ACO2: variants seen among roughly 807,000 people sequenced by gnomAD.
The protein encoded by ACO2 is aconitate hydratase, mitochondrial.
In ACO2, 31 loss-of-function variants were observed where a neutral mutation model predicts 84.5. That is an observed-to-expected ratio of 0.37 (90% CI 0.28 to 0.50). The LOEUF is 0.50. ACO2 is among the 20% of genes least tolerant of loss of function. The pLI is 0.97. For missense variants in ACO2, 685 were observed against 1,029.3 expected, an observed-to-expected ratio of 0.67 and a Z score of 4.58; for synonymous variants, 414 against 412.7, an observed-to-expected ratio of 1.00 and a Z score of -0.04.
In ACO2 at chr22:41,523,811, G is replaced by GA; in HGVS notation, c.1371-18dup. The GA allele has an allele frequency of 6.2e-7, 1 of 1,603,944 alleles. No individual in the cohort carries two copies. Among genetic ancestry groups the GA allele is most frequent in the Non-Finnish European group, 8.5e-7 (1 of 1,172,754 alleles). On this transcript the variant is annotated intron_variant, in intron 11 of 17. Transcript: ENST00000216254. ...GACAAGGCCAGATATCCCTAACCCT[G>GA]ATCCCTCTGACCTGGCAGGAAGGAC...
chr22:41,514,419 A>G (rs1176562012), intron 4 of ACO2, among the ~76,000 whole-genome samples: 1 of 152,216 alleles, frequency 6.6e-6, no homozygotes, highest in Non-Finnish European at 1.5e-5. Context: ...TGAACCAATG[A>G]TGTGAGCACG....
chr22:41,472,995 A>G (rs1357527590), intron 1 of ACO2, among the ~76,000 whole-genome samples: 1 of 152,254 alleles, frequency 6.6e-6, no homozygotes, highest in Non-Finnish European at 1.5e-5. Context: ...ACTCTGTGCC[A>G]TGTTAAAATA....
Position 41,523,814 on chromosome 22 carries a change from C to T in ACO2, c.1371-16C>T, listed in dbSNP as rs781530892. On this transcript the variant is annotated splice_polypyrimidine_tract_variant and intron_variant, in intron 11 of 17. Coordinates refer to ENST00000216254, the MANE Select transcript of ACO2 (RefSeq NM_001098.3). ...AAGGCCAGATATCCCTAACCCTGAT[C>T]CCTCTGACCTGGCAGGAAGGACATC... 3 of 1,605,174 alleles carry T rather than the reference C, an allele frequency of 1.9e-6. No homozygotes were observed. Among genetic ancestry groups the T allele is most frequent in the Admixed American group, 3.3e-5 (2 of 60,018 alleles).
intron 1 of ACO2, among the ~76,000 whole-genome samples, chr22:41,499,032 G>A (rs181415846): frequency 1.1e-3 from 166 of 151,644 alleles, no homozygotes; most frequent in African/African-American, 3.9e-3. Context: ...AGGAGGCGGC[G>A]GTATCAGTGA....
chr22:41,476,472 C>T (rs1040123032), intron 1 of ACO2, among the ~76,000 whole-genome samples: 13 of 150,238 alleles, frequency 8.7e-5, no homozygotes, highest in Admixed American at 7.3e-4. Flanking sequence ...TTTTGGGAGG[C>T]CAAGGCAGGC....
chr22:41,505,751 G>T, intron 2 of ACO2, among the ~76,000 whole-genome samples: 1 of 152,120 alleles, frequency 6.6e-6, no homozygotes, highest in South Asian at 2.1e-4. Context: ...AAGCCAATCA[G>T]TAGTGGCAAA....
chr22:41,492,621 A>G (rs1368964402), intron 1 of ACO2, among the ~76,000 whole-genome samples: 2 of 152,180 alleles, frequency 1.3e-5, no homozygotes, highest in Admixed American at 6.6e-5. Context: ...TAAAAATACA[A>G]AATTAGCTGG....
intron 4 of ACO2, among the ~76,000 whole-genome samples, chr22:41,513,212 C>G (rs963792708): frequency 2.0e-5 from 3 of 152,214 alleles, no homozygotes; most frequent in African/African-American, 7.2e-5. Context: ...GCAGGTGTCT[C>G]CCTTTCTACC....
chr22:41,526,638 G>A (rs1194274975), intron 15 of ACO2, 185 bp downstream of exon 15: 6 of 580,610 alleles, frequency 1.0e-5, no homozygotes, highest in Non-Finnish European at 1.7e-5. Context: ...TGAGGCCCAG[G>A]TCCGGTGGTA....
chr22:41,481,291 C>G (rs181556655), intron 1 of ACO2, among the ~76,000 whole-genome samples: 2 of 152,164 alleles, frequency 1.3e-5, no homozygotes, highest in Non-Finnish European at 2.9e-5. Flanking sequence ...TCCATGATGG[C>G]ACTCTGACAA....
chr22:41,514,584 G>A (rs1229572288), intron 4 of ACO2, among the ~76,000 whole-genome samples: 1 of 152,208 alleles, frequency 6.6e-6, no homozygotes. Flanking sequence ...GCAGCTTCAG[G>A]GGGCCAGTGC....
chr22:41,500,085 T>A (rs976385662), intron 2 of ACO2, among the ~76,000 whole-genome samples: 2 of 152,092 alleles, frequency 1.3e-5, no homozygotes, highest in African/African-American at 4.8e-5. Context: ...AGCCTCTAGA[T>A]GTGAACCACA....
chr22:41,475,169 CTTTTTTT>C lies in ACO2; in HGVS notation c.36+6002_36+6008del, dbSNP rs1161178390. Among the ~76,000 whole-genome samples, 615 of 120,234 alleles carry C rather than the reference CTTTTTTT, an allele frequency of 5.1e-3. 1 individual carries two copies. The highest frequency in any genetic ancestry group is 0.014 in the Middle Eastern group (3 of 220). 78.9% of individuals were successfully genotyped at this position (120,234 alleles called of 152,430 possible). ...ATAAAAAAAAAAAAATTGTTTTTTCCTTTTTTTTTTTTTTTTTTTTTGAGATAGGGCC... is the reference window on the plus strand; with the variant it reads ...ATAAAAAAAAAAAAATTGTTTTTTCCTTTTTTTTTTTTTTGAGATAGGGCC... On this transcript the variant is annotated intron_variant, in intron 1 of 17. Transcript: ENST00000216254.
At chr22:41,469,221 G>A in intron 1 of ACO2, 39 bp downstream of exon 1, 1 of 1,599,592 alleles carries the variant, frequency 6.3e-7, no homozygotes, top group Non-Finnish European at 8.5e-7. Flanking sequence ...ACGGGGGCGG[G>A]GTGCCTCCTA....
At chr22:41,489,804 C>T (rs990674743) in intron 1 of ACO2, among the ~76,000 whole-genome samples, 1 of 151,712 alleles carries the variant, frequency 6.6e-6, no homozygotes, top group African/African-American at 2.4e-5. Flanking sequence ...TGTAAAGGTA[C>T]ATTTTTTTTT....
chr22:41,491,305 G>A (rs2066270033), intron 1 of ACO2, among the ~76,000 whole-genome samples: 1 of 152,166 alleles, frequency 6.6e-6, no homozygotes, highest in South Asian at 2.1e-4. Flanking sequence ...CCACTGCCAG[G>A]GGCCCATGAG....
At chr22:41,480,360 T>A (rs2038072375) in intron 1 of ACO2, among the ~76,000 whole-genome samples, 1 of 152,148 alleles carries the variant, frequency 6.6e-6, no homozygotes, top group Non-Finnish European at 1.5e-5. Context: ...TTGGCTAGGT[T>A]GGGTGAGTGT....
At chr22:41,471,552 G>A (rs1042040709) in intron 1 of ACO2, among the ~76,000 whole-genome samples, 9 of 152,126 alleles carry the variant, frequency 5.9e-5, no homozygotes, top group Admixed American at 4.6e-4. Flanking sequence ...TCTGGATACC[G>A]TGGTAAGCAA....
intron 9 of ACO2, among the ~76,000 whole-genome samples, chr22:41,521,916 C>T (rs112622778): frequency 0.041 from 6,297 of 152,118 alleles, 194 homozygotes; most frequent in Middle Eastern, 0.061. Flanking sequence ...GGACTACAGG[C>T]GCCCGCCACC....
Sources: gnomAD v4.1 joint callset for allele counts (sites outside exome capture counted in the v4.1 genomes callset) on GRCh38, gnomAD v4.1.1 for gene constraint, MANE v1.5 for transcripts, NCBI Gene and HGNC (gene_info 2026-07-23, HGNC 2026-07-21) for gene names.